Variants in RBFOX1 observed in about 807,000 individuals in gnomAD.
The protein encoded by RBFOX1 is RNA binding fox-1 homolog 1.
Under a neutral mutation model 57.7 loss-of-function variants are expected in RBFOX1, and 8 were observed. The observed-to-expected ratio is 0.14, with a 90% CI of 0.08 to 0.25. The LOEUF (loss-of-function observed/expected upper bound fraction) is 0.25, where lower values mean the gene tolerates loss of function less well. Ranked by LOEUF, RBFOX1 falls within the 10% of genes least tolerant of loss-of-function variation. The pLI, the probability that RBFOX1 is intolerant of heterozygous loss-of-function variation, is 1.00. For missense variants in RBFOX1, 611 were observed against 548.5 expected (o/e 1.11, Z -1.14); for synonymous variants, 326 against 222.4 (o/e 1.47, Z -4.15).
chr16:6,210,561 C>G (rs919796812), intron 1 of RBFOX1, among the ~76,000 whole-genome samples: 1 of 151,542 alleles, frequency 6.6e-6, no homozygotes, highest in Non-Finnish European at 1.5e-5. Flanking sequence ...GAGACCCTGT[C>G]TCTACAAAAA....
intron 4 of RBFOX1, among the ~76,000 whole-genome samples, chr16:7,262,065 G>C (rs1340849769): frequency 2.6e-5 from 4 of 152,084 alleles, no homozygotes; most frequent in Admixed American, 6.6e-5. Flanking sequence ...CCTTTTTGGA[G>C]GTTTCACTAT....
chr16:6,427,195 G>A (rs11859826), intron 2 of RBFOX1, among the ~76,000 whole-genome samples: 1,738 of 152,298 alleles, frequency 0.011, 29 homozygotes, highest in African/African-American at 0.04. Flanking sequence ...AGGTCTGGCT[G>A]CATTGATAAT....
At chr16:6,955,367 CACACACGTGCACAT>C (rs2081577215) in intron 3 of RBFOX1, among the ~76,000 whole-genome samples, 1 of 151,874 alleles carries the variant, frequency 6.6e-6, no homozygotes. Flanking sequence ...CACACACACA[CACACACGTGCACAT>C]ACACACACTC....
chr16:5,952,820 C>T (rs1285209661), intron 4 of RBFOX1, among the ~76,000 whole-genome samples: 3 of 152,162 alleles, frequency 2.0e-5, no homozygotes, highest in Non-Finnish European at 4.4e-5. Context: ...CCCATACTGA[C>T]CTGATGACCA....
At chr16:5,328,318 A>G (rs904435196) in intron 1 of RBFOX1, among the ~76,000 whole-genome samples, 1 of 152,194 alleles carries the variant, frequency 6.6e-6, no homozygotes, top group Admixed American at 6.5e-5. Flanking sequence ...GCAAGGATGC[A>G]TGCATAGAGG....
chr16:7,418,867 C>T (rs2098511223), intron 4 of RBFOX1, among the ~76,000 whole-genome samples: 1 of 128,856 alleles, frequency 7.8e-6, no homozygotes, highest in African/African-American at 3.0e-5. Flanking sequence ...CTTCCAGAGC[C>T]ACTAAGAGTC....
At chr16:5,301,415 TGAGAC>T in intron 1 of RBFOX1, among the ~76,000 whole-genome samples, 1 of 151,902 alleles carries the variant, frequency 6.6e-6, no homozygotes, top group Admixed American at 6.6e-5. Context: ...GTCAGGAGAT[TGAGAC>T]CATCCTGGCT....
At chr16:6,762,677 A>G (rs575238105) in intron 3 of RBFOX1, among the ~76,000 whole-genome samples, 4 of 152,268 alleles carry the variant, frequency 2.6e-5, no homozygotes, top group Non-Finnish European at 5.9e-5. Flanking sequence ...GCATTTGGTT[A>G]TTTGTTTTGG....
At chr16:6,669,091 G>C (rs2098749230) in intron 3 of RBFOX1, among the ~76,000 whole-genome samples, 1 of 152,124 alleles carries the variant, frequency 6.6e-6, no homozygotes, top group African/African-American at 2.4e-5. Flanking sequence ...TGTGATTTAT[G>C]TTTTCCCAGC....
chr16:5,709,654 T>C (rs2151501721), intron 3 of RBFOX1, among the ~76,000 whole-genome samples: 1 of 150,476 alleles, frequency 6.6e-6, no homozygotes, highest in East Asian at 2.0e-4. Context: ...CATTCTTACA[T>C]AGGATAATAT....
At chr16:6,068,980 G>T (rs12934833) in intron 1 of RBFOX1, among the ~76,000 whole-genome samples, 1 of 151,602 alleles carries the variant, frequency 6.6e-6, no homozygotes, top group Non-Finnish European at 1.5e-5. Flanking sequence ...TTTGTTGCCT[G>T]CTACAAAGTA....
intron 4 of RBFOX1, among the ~76,000 whole-genome samples, chr16:7,339,936 G>C (rs1251174629): frequency 6.6e-6 from 1 of 152,186 alleles, no homozygotes; most frequent in East Asian, 1.9e-4. Flanking sequence ...AGCACACCAT[G>C]TCCAAGTGGT....
chr16:7,241,416 A>G (rs1331915115), intron 4 of RBFOX1, among the ~76,000 whole-genome samples: 2 of 152,164 alleles, frequency 1.3e-5, no homozygotes, highest in African/African-American at 4.8e-5. Flanking sequence ...TGGGCAAATT[A>G]TGCATTCCAA....
chr16:6,069,062 A>AAAGGAAGCAGAAAGAGAGG (rs1567377378), intron 1 of RBFOX1, among the ~76,000 whole-genome samples: 3 of 152,108 alleles, frequency 2.0e-5, no homozygotes, highest in African/African-American at 4.8e-5. Context: ...GAGAAGGAAG[A>AAAGGAAGCAGAAAGAGAGG]AAGGAAGCAG....
At chr16:7,240,517 T>C (rs1185654615) in intron 4 of RBFOX1, among the ~76,000 whole-genome samples, 1 of 152,154 alleles carries the variant, frequency 6.6e-6, no homozygotes, top group Non-Finnish European at 1.5e-5. Context: ...TGTTTCTAAA[T>C]ACTGGGGTTT....
intron 2 of RBFOX1, among the ~76,000 whole-genome samples, chr16:5,502,357 G>A (rs1044237150): frequency 1.1e-4 from 16 of 149,442 alleles, no homozygotes; most frequent in African/African-American, 3.6e-4. Flanking sequence ...TGTAAGGGTG[G>A]GATGTGGACA....
At chr16:6,977,933 C>G (rs1284351973) in intron 3 of RBFOX1, among the ~76,000 whole-genome samples, 2 of 39,140 alleles carry the variant, frequency 5.1e-5, no homozygotes, top group African/African-American at 6.1e-4. Context: ...CCAGCCTCCC[C>G]AGGGAAAAAA....
At chr16:7,470,821 A>G (rs1456220239) in intron 4 of RBFOX1, among the ~76,000 whole-genome samples, 1 of 152,130 alleles carries the variant, frequency 6.6e-6, no homozygotes, top group Non-Finnish European at 1.5e-5. Flanking sequence ...ACAAGAGTTC[A>G]GGGCAAAGAA....
intron 1 of RBFOX1, among the ~76,000 whole-genome samples, chr16:6,073,467 C>G (rs1363146463): frequency 6.6e-6 from 1 of 152,116 alleles, no homozygotes; most frequent in African/African-American, 2.4e-5. Context: ...TTCATTACTG[C>G]TATTATTATT....
Sources: allele counts gnomAD v4.1 joint callset (sites outside exome capture counted in the v4.1 genomes callset), GRCh38; gene constraint gnomAD v4.1.1; transcripts MANE v1.5; gene names NCBI Gene and HGNC (gene_info 2026-07-23, HGNC 2026-07-21).